URAD: variants seen among roughly 807,000 people sequenced by gnomAD.
URAD encodes the protein ureidoimidazoline (2-oxo-4-hydroxy-4-carboxy-5-) decarboxylase.
Under a neutral mutation model 4.6 loss-of-function variants are expected in URAD, and 4 were observed. That is an observed-to-expected ratio of 0.87 (90% CI 0.43 to 1.98). The LOEUF (loss-of-function observed/expected upper bound fraction) is 1.98. Ranked by LOEUF, URAD falls within the 30% of genes most tolerant of loss-of-function variation. The pLI is 0.03. For synonymous variants in URAD, 144 were observed against 118.2 expected, an observed-to-expected ratio of 1.22 and a Z score of -1.41; for missense variants, 300 against 255.3, an observed-to-expected ratio of 1.18 and a Z score of -1.19.
intron 1 of URAD, 65 bp from the exon 2 acceptor site, chr13:27,978,517 A>AT: frequency 8.3e-7 from 1 of 1,202,910 alleles, no homozygotes; most frequent in South Asian, 3.4e-5. Context: ...CGCGCACTCG[A>AT]GGGGGCGCGT....
chr13:27,981,245 G>T (rs1176350552), intron 1 of URAD, among the ~76,000 whole-genome samples: 2 of 152,166 alleles, frequency 1.3e-5, no homozygotes, highest in Non-Finnish European at 2.9e-5. Flanking sequence ...CCAGTTCCCT[G>T]CCAGCGCCAG....
chr13:27,978,568 GC>G lies in URAD; in HGVS notation c.176-117del, dbSNP rs1869789142. On this transcript the variant is annotated intron_variant, in intron 1 of 1. Coordinates refer to ENST00000332715, the MANE Select transcript of URAD (RefSeq NM_001105577.2). ...CCCCTGCCCCGCCCCGCCCCGCCCG[GC>G]CCCAAAGAAGGCTGCGGGAGGGTGA... 22 of 806,598 alleles carry G rather than the reference GC, an allele frequency of 2.7e-5. No homozygotes were observed. The South Asian group carries it at 9.1e-4, about 33-fold the overall frequency. 50.0% of individuals were successfully genotyped at this position (806,598 alleles called of 1,614,324 possible).
At chr13:27,986,089 G>A (rs1424613877) in intron 1 of URAD, among the ~76,000 whole-genome samples, 3 of 152,086 alleles carry the variant, frequency 2.0e-5, no homozygotes, top group African/African-American at 7.2e-5. Context: ...ACCACAGGGA[G>A]CTCCTCCCCA....
chr13:27,983,355 G>A (rs759803240), intron 1 of URAD, among the ~76,000 whole-genome samples: 5 of 151,938 alleles, frequency 3.3e-5, no homozygotes, highest in Non-Finnish European at 7.4e-5. Context: ...TCAGCCTCCC[G>A]AGTAGCTAGG....
chr13:27,979,280 C>A (rs190252021), intron 1 of URAD, among the ~76,000 whole-genome samples: 230 of 152,276 alleles, frequency 1.5e-3, no homozygotes, highest in African/African-American at 5.3e-3. Flanking sequence ...TGAAGGAAAT[C>A]TTTGCATAAT....
At chr13:27,978,886 G>A (rs1441620203) in intron 1 of URAD, among the ~76,000 whole-genome samples, 1 of 152,110 alleles carries the variant, frequency 6.6e-6, no homozygotes, top group East Asian at 1.9e-4. Context: ...GCTCTCAGGG[G>A]GGGCTTTGAT....
At chr13:27,981,900 C>T (rs1343514599) in intron 1 of URAD, among the ~76,000 whole-genome samples, 1 of 152,178 alleles carries the variant, frequency 6.6e-6, no homozygotes, top group African/African-American at 2.4e-5. Context: ...CCCTGTTGCT[C>T]TCTTGTTTCT....
At chr13:27,986,173 C>T (rs560351318) in intron 1 of URAD, among the ~76,000 whole-genome samples, 8 of 152,334 alleles carry the variant, frequency 5.3e-5, no homozygotes, top group African/African-American at 1.7e-4. Flanking sequence ...GTCCACTGAC[C>T]TACCACTGAG....
intron 1 of URAD, among the ~76,000 whole-genome samples, chr13:27,984,999 G>A (rs1399041414): frequency 6.6e-6 from 1 of 151,868 alleles, no homozygotes; most frequent in African/African-American, 2.4e-5. Context: ...ACAAACAAAA[G>A]CAATTTTATT....
rs1242976173 is a variant in URAD at position 27,988,683 on chromosome 13, G to A, written c.-46C>T. 9.2e-6 allele frequency: 14 copies of A among 1,522,660 alleles called. No individual in the cohort carries two copies. Among genetic ancestry groups the A allele is most frequent in the South Asian group, 2.6e-5 (2 of 78,028 alleles). 94.3% of individuals were successfully genotyped at this position (1,522,660 alleles called of 1,614,324 possible). Reference sequence around the variant, plus strand: ...CAGCGGGACGTCCAGCTCCCCTCTCGGTGAGTGAGTGACGCTGTCTCGGCT... The same window carrying A: ...CAGCGGGACGTCCAGCTCCCCTCTCAGTGAGTGAGTGACGCTGTCTCGGCT... On this transcript the variant is annotated 5_prime_UTR_variant, in exon 1 of 2. Coordinates refer to ENST00000332715, the MANE Select transcript of URAD (RefSeq NM_001105577.2).
At position 27,978,054 on chromosome 13, in the gene URAD, G is replaced by A. The variant is rs1869759123; in HGVS notation, c.*52C>T. ...CGCCCAGGACGCACAGCTCCGGGCC[G>A]TGGCCCCCGCGCGTCCGGTTGTGCG... On this transcript the variant is annotated 3_prime_UTR_variant, in exon 2 of 2. Transcript: ENST00000332715. The A allele has an allele frequency of 2.9e-6, 4 of 1,380,136 alleles. No homozygotes were observed. In the South Asian group the frequency reaches 4.7e-5, roughly 16 times the overall value. 85.5% of individuals were successfully genotyped at this position (1,380,136 alleles called of 1,614,324 possible).
Position 27,981,379 on chromosome 13 carries a change from C to A in URAD, c.176-2927G>T, listed in dbSNP as rs920775804. 3.9e-4 allele frequency among the ~76,000 whole-genome samples: 59 copies of A among 152,210 alleles called. 1 individual carries two copies. The highest frequency in any genetic ancestry group is 4.4e-5 in the Non-Finnish European group (3 of 68,038). ...CTGGAAGCCCAGGCGCTAGGCAGGCCAGTCAGACAGCCCGTGGTTCTCAGG... is the reference window on the plus strand; with the variant it reads ...CTGGAAGCCCAGGCGCTAGGCAGGCAAGTCAGACAGCCCGTGGTTCTCAGG... On this transcript the variant is annotated intron_variant, in intron 1 of 1. Coordinates refer to ENST00000332715, the MANE Select transcript of URAD (RefSeq NM_001105577.2).
At position 27,988,584 on chromosome 13, in the gene URAD, A is replaced by G. The variant is rs1348678476; in HGVS notation, c.54T>C (p.Phe18=). Reference sequence around the variant, plus strand: ...GAGGACATCTCTCAGTGGCATTCCCAAACACATCCACGAATTCTCCAAGGT... The same window carrying G: ...GAGGACATCTCTCAGTGGCATTCCCGAACACATCCACGAATTCTCCAAGGT... ...SMDLGEFVDV[F]GNATERCPLI... Residue 18 remains phenylalanine (F), a synonymous_variant, in exon 1 of 2, where the codon TTT becomes TTC. Transcript: ENST00000332715. 3 of 1,613,836 alleles carry G rather than the reference A, an allele frequency of 1.9e-6. No individual in the cohort carries two copies. In the South Asian group the frequency reaches 3.3e-5, roughly 18 times the overall value.
chr13:27,987,592 C>T (rs1413602354), intron 1 of URAD, among the ~76,000 whole-genome samples: 1 of 152,204 alleles, frequency 6.6e-6, no homozygotes, highest in Non-Finnish European at 1.5e-5. Flanking sequence ...GCTGTCCTCT[C>T]TGTCACATAC....
At chr13:27,981,148 T>C (rs532387225) in intron 1 of URAD, among the ~76,000 whole-genome samples, 1 of 151,936 alleles carries the variant, frequency 6.6e-6, no homozygotes, top group African/African-American at 2.4e-5. Flanking sequence ...TGGCCAGATA[T>C]CCAATCTTCA....
intron 1 of URAD, among the ~76,000 whole-genome samples, chr13:27,979,367 T>TG (rs919149628): frequency 7.9e-5 from 12 of 152,204 alleles, no homozygotes; most frequent in Admixed American, 4.6e-4. Flanking sequence ...GAGTTAGCGC[T>TG]GGGCAATCAT....
intron 1 of URAD, among the ~76,000 whole-genome samples, chr13:27,978,697 G>A (rs1869794067): frequency 6.6e-6 from 1 of 152,202 alleles, no homozygotes; most frequent in Non-Finnish European, 1.5e-5. Context: ...CACTACATTC[G>A]GTCGGGACCA....
chr13:27,985,034 T>A (rs916578993), intron 1 of URAD, among the ~76,000 whole-genome samples: 2 of 152,232 alleles, frequency 1.3e-5, no homozygotes, highest in African/African-American at 4.8e-5. Flanking sequence ...ATAAAAATTA[T>A]ACATGTTTAT....
chr13:27,978,777 A>G (rs1286829995), intron 1 of URAD, among the ~76,000 whole-genome samples: 10 of 151,600 alleles, frequency 6.6e-5, no homozygotes, highest in Admixed American at 5.3e-4. Flanking sequence ...AGCGGAGGAG[A>G]GAGAGGGCGG....
Sources: allele counts gnomAD v4.1 joint callset (sites outside exome capture counted in the v4.1 genomes callset), GRCh38; gene constraint gnomAD v4.1.1; transcripts MANE v1.5; gene names NCBI Gene and HGNC (gene_info 2026-07-23, HGNC 2026-07-21).